The following SNED1 variants were observed in gnomAD, a reference collection of about 807,000 sequenced individuals.
SNED1 encodes sushi, nidogen and EGF like domains 1, also known as sushi, nidogen and EGF-like domain-containing protein 1.
A neutral mutation model predicts 166.7 loss-of-function variants in SNED1; 81 were observed. The observed-to-expected ratio is 0.49, with a 90% CI of 0.41 to 0.58. The LOEUF (loss-of-function observed/expected upper bound fraction) is 0.58. Ranked by LOEUF, SNED1 falls within the 20% of genes least tolerant of loss-of-function variation. The probability of loss-of-function intolerance (pLI) is 0.00; values close to 1 mark genes in which losing one functional copy is unlikely to be tolerated. For missense variants in SNED1, 1,604 were observed against 2,000.2 expected, an observed-to-expected ratio of 0.80 and a Z score of 3.78; for synonymous variants, 762 against 822.0, an observed-to-expected ratio of 0.93 and a Z score of 1.25.
In SNED1 at chr2:241,013,478, C is replaced by A. The variant is rs75594389; in HGVS notation, c.213+14428C>A. 2.6e-5 allele frequency among the ~76,000 whole-genome samples: 4 copies of A among 151,752 alleles called. No homozygotes were observed. The highest frequency in any genetic ancestry group is 5.9e-5 in the Non-Finnish European group (4 of 67,962). On this transcript the variant is annotated intron_variant, in intron 1 of 31. Coordinates refer to ENST00000310397, the MANE Select transcript of SNED1 (RefSeq NM_001080437.3). This position sits in a 1 kb window ranked among gnomAD's most constrained non-coding sequence, Gnocchi z 4.6. ...GCCCTAGTAGCTGGGATTATAGGCA[C>A]GCACCACCACCTCCAGCTATATTTT... is the stretch of plus-strand genomic sequence containing the variant.
intron 2 of SNED1, among the ~76,000 whole-genome samples, chr2:241,030,967 A>T (rs913614445): frequency 6.6e-6 from 1 of 152,158 alleles, no homozygotes; most frequent in African/African-American, 2.4e-5. Context: ...TGCAGGCTTG[A>T]TGAGTTATGG....
chr2:241,086,102 A>G (rs2063560971), intron 29 of SNED1, among the ~76,000 whole-genome samples: 2 of 152,066 alleles, frequency 1.3e-5, no homozygotes, highest in African/African-American at 2.4e-5. Context: ...CCTGACCTCA[A>G]GTGATCGGCC....
intron 8 of SNED1, chr2:241,041,095 C>A (rs917139352): frequency 2.9e-6 from 1 of 339,154 alleles, no homozygotes; most frequent in African/African-American, 2.2e-5. Flanking sequence ...GGAGGAAATT[C>A]TGTTTTACCC....
chr2:241,078,395 A>AAG (rs1324835756), intron 27 of SNED1, among the ~76,000 whole-genome samples: 2 of 149,190 alleles, frequency 1.3e-5, no homozygotes, highest in African/African-American at 5.1e-5. Flanking sequence ...AAAAAAAAAA[A>AAG]AAAGAAAGAA....
At position 241,061,044 on chromosome 2, in the gene SNED1, AATG is replaced by A. The variant is rs199636687; in HGVS notation, c.2258-1742_2258-1740del. Among the ~76,000 whole-genome samples, 826 of 152,344 alleles carry A rather than the reference AATG, an allele frequency of 5.4e-3. 6 individuals are homozygous for A. The highest frequency in any genetic ancestry group is 0.012 in the African/African-American group (509 of 41,580). ...AAGCCACAAAAAGAATTTAAAAAGA[AATG>A]ATGAACATACTTGACCATATGAAAA... On this transcript the variant is annotated intron_variant, in intron 16 of 31. Coordinates refer to ENST00000310397, the MANE Select transcript of SNED1 (RefSeq NM_001080437.3).
chr2:241,065,410 C>T lies in SNED1; in HGVS notation c.2825C>T (p.Ala942Val), dbSNP rs758129226. ...PAARQMLDGY[A>V]VTYVSSDGSY... is the part of the protein sequence containing the mutation. ...GCCAGGCAGATGCTTGATGGCTACGCGGTCACCTACGTCTCCTCCGACGGC... is the reference window on the plus strand; with the variant it reads ...GCCAGGCAGATGCTTGATGGCTACGTGGTCACCTACGTCTCCTCCGACGGC... The change falls in exon 21 of 32, where the codon GCG (alanine) becomes GTG (valine). Residue 942 changes from alanine to valine, a missense_variant. Ala to Val is a moderately conservative substitution (Grantham distance 64, BLOSUM62 0). Coordinates refer to ENST00000310397, the MANE Select transcript of SNED1 (RefSeq NM_001080437.3). The T allele has an allele frequency of 8.7e-6, 14 of 1,613,130 alleles. No individual in the cohort carries two copies. Among genetic ancestry groups the T allele is most frequent in the East Asian group, 2.2e-5 (1 of 44,874 alleles).
At chr2:240,998,609 G>C (rs2059982782), upstream of SNED1, among the ~76,000 whole-genome samples, 1 of 151,928 alleles carries the variant, frequency 6.6e-6, no homozygotes, top group Non-Finnish European at 1.5e-5. Flanking sequence ...TGGCCCCAGG[G>C]GCGGGGCTGG....
At chr2:241,089,087 G>A (rs2063742558) in intron 31 of SNED1, 2 of 462,642 alleles carry the variant, frequency 4.3e-6, no homozygotes, top group Non-Finnish European at 3.8e-6. Flanking sequence ...CACACAAACT[G>A]CCGAATCTTA....
At chr2:241,090,490 T>C (rs1239001992) in intron 31 of SNED1, 5 of 1,499,292 alleles carry the variant, frequency 3.3e-6, no homozygotes, top group African/African-American at 2.8e-5. Flanking sequence ...CGTAAACCAG[T>C]AACATCACAA....
At position 241,064,593 on chromosome 2, in the gene SNED1, C is replaced by T. The variant is rs1430938757; in HGVS notation, c.2600-251C>T. On this transcript the variant is annotated intron_variant, in intron 19 of 31. Coordinates refer to ENST00000310397, the MANE Select transcript of SNED1 (RefSeq NM_001080437.3). The surrounding 1 kb of genome is among the most constrained non-coding windows in gnomAD (Gnocchi z 7.0). ...TCACTGGGGTGGTGGCCTGTCCTGT[C>T]CTGATCCAGTGTCTCCTCCCCTCAG... Among the ~76,000 whole-genome samples the T allele has an allele frequency of 6.6e-6, 1 of 152,222 alleles. No individual in the cohort carries two copies. Among genetic ancestry groups the T allele is most frequent in the Non-Finnish European group, 1.5e-5 (1 of 68,030 alleles).
Position 241,064,510 on chromosome 2 carries a change from G to A in SNED1, c.2600-334G>A, listed in dbSNP as rs767042709. Among the ~76,000 whole-genome samples, 39 of 152,252 alleles carry A rather than the reference G, an allele frequency of 2.6e-4. No homozygotes were observed. Among genetic ancestry groups the A allele is most frequent in the Non-Finnish European group, 5.3e-4 (36 of 68,010 alleles). ...ACATTCTCCCTAATCAGCCCCCAGT[G>A]GGATACCTCCTGATGAGGCTTCCCT... On this transcript the variant is annotated intron_variant, in intron 19 of 31. Coordinates refer to ENST00000310397, the MANE Select transcript of SNED1 (RefSeq NM_001080437.3). This position sits in a 1 kb window ranked among gnomAD's most constrained non-coding sequence, Gnocchi z 7.0.
chr2:241,018,370 C>T lies in SNED1; in HGVS notation c.214-11914C>T, dbSNP rs1235339899. Among the ~76,000 whole-genome samples, 2 of 152,174 alleles carry T rather than the reference C, an allele frequency of 1.3e-5. No individual in the cohort carries two copies. Among genetic ancestry groups the T allele is most frequent in the African/African-American group, 4.8e-5 (2 of 41,454 alleles). ...CACAGGACAGAGATGGGGAACCCAG[C>T]GCAGGTCAGGTTGCCAGCTCAGCAG... On this transcript the variant is annotated intron_variant, in intron 1 of 31. Transcript: ENST00000310397. This position sits in a 1 kb window ranked among gnomAD's most constrained non-coding sequence, Gnocchi z 5.4.
At chr2:241,014,708 G>T (rs2060525411) in intron 1 of SNED1, among the ~76,000 whole-genome samples, 3 of 152,090 alleles carry the variant, frequency 2.0e-5, no homozygotes, top group Non-Finnish European at 4.4e-5. Context: ...CCTCTTTAAT[G>T]GCATCCTTGG....
At chr2:241,019,831 A>G (rs1353864914) in intron 1 of SNED1, among the ~76,000 whole-genome samples, 1 of 152,194 alleles carries the variant, frequency 6.6e-6, no homozygotes, top group African/African-American at 2.4e-5. Context: ...CAAGTGGCAG[A>G]CCAGACCGCA....
Position 241,073,219 on chromosome 2 carries a change from G to T in SNED1, c.3818-47G>T. 1 of 1,419,522 alleles carries T rather than the reference G, an allele frequency of 7.0e-7. No homozygotes were observed. Among genetic ancestry groups the T allele is most frequent in the Admixed American group, 2.0e-5 (1 of 50,314 alleles). 87.9% of individuals were successfully genotyped at this position (1,419,522 alleles called of 1,614,324 possible). A position where few individuals can be genotyped will look rare whatever the true frequency, so the allele number is the denominator to read the frequency against. Reference sequence around the variant, plus strand: ...AAAAGGGTGGCCCCAGGACCATCCCGGGTGCAAAGCAGCTGCGCCGTGTGG... The same window carrying T: ...AAAAGGGTGGCCCCAGGACCATCCCTGGTGCAAAGCAGCTGCGCCGTGTGG... On this transcript the variant is annotated intron_variant, in intron 26 of 31. Transcript: ENST00000310397. This position sits in a 1 kb window ranked among gnomAD's most constrained non-coding sequence, Gnocchi z 6.6.
chr2:241,088,326 T>A (rs776788701), intron 30 of SNED1, 39 bp from the exon 31 acceptor site: 1 of 1,462,054 alleles, frequency 6.8e-7, no homozygotes, highest in Non-Finnish European at 9.6e-7. Context: ...AGGTACACAG[T>A]CTCTTTTTCA....
rs1276402048 is a variant in SNED1, at chr2:241,062,798, T to C, written c.2265T>C (p.Asp755=). The C allele has an allele frequency of 6.8e-6, 11 of 1,608,728 alleles. No individual in the cohort carries two copies. Among genetic ancestry groups the C allele is most frequent in the African/African-American group, 6.7e-5 (5 of 74,916 alleles). ...TGGGCTCTCTCCTCTCAGAAATCGA[T>C]GAGTGCCGGTCTCAGCCGTGCCTGC... The part of the protein sequence containing the change: ...WSEPPQCLEI[D]ECRSQPCLHG... The change falls in exon 17 of 32, where the codon GAT becomes GAC. Residue 755 remains aspartate, a synonymous_variant. Coordinates refer to ENST00000310397, the MANE Select transcript of SNED1 (RefSeq NM_001080437.3).
rs1328051843 is a variant in SNED1 at position 241,094,291 on chromosome 2, C to T, written c.*2655C>T. The T allele has an allele frequency of 2.1e-6, 1 of 469,422 alleles. No individual in the cohort carries two copies. The highest frequency in any genetic ancestry group is 2.0e-5 in the African/African-American group (1 of 50,034). The allele number at this position is 469,422 out of a possible 1,614,324, so 29.1% of individuals were successfully genotyped here. ...TATCAGCTCACCTCCTGCACCTCCC[C>T]TTAGCAGGAACTCCTTCCACTGGCA... On this transcript the variant is annotated 3_prime_UTR_variant, in exon 32 of 32. Transcript: ENST00000310397. This position sits in a 1 kb window ranked among gnomAD's most constrained non-coding sequence, Gnocchi z 4.3.
chr2:241,040,801 A>G (rs542554875), intron 8 of SNED1: 2 of 476,174 alleles, frequency 4.2e-6, no homozygotes, highest in South Asian at 3.1e-5. Flanking sequence ...TAGAACCCTC[A>G]GCACACAAGG....
Sources: gnomAD v4.1 joint callset for allele counts (sites outside exome capture counted in the v4.1 genomes callset) on GRCh38, gnomAD v4.1.1 for gene constraint, Gnocchi (gnomAD v3.1) non-coding constraint, MANE v1.5 for transcripts, NCBI Gene and HGNC (gene_info 2026-07-23, HGNC 2026-07-21) for gene names.